Variants in DST observed in about 807,000 individuals in gnomAD.
DST encodes the protein bullous pemphigoid antigen.
DST carries 253 observed loss-of-function variants against 875.2 expected under a neutral mutation model. The observed-to-expected ratio is 0.29, with a 90% CI of 0.26 to 0.32. The LOEUF (loss-of-function observed/expected upper bound fraction) is 0.32, where lower values mean the gene tolerates loss of function less well. Ranked by LOEUF, DST falls within the 10% of genes least tolerant of loss-of-function variation. The pLI is 1.00. For synonymous variants in DST, 3,124 were observed against 3,197.1 expected, an observed-to-expected ratio of 0.98 and a Z score of 0.77; for missense variants, 8,287 against 9,111.6, an observed-to-expected ratio of 0.91 and a Z score of 3.68.
chr6:56,802,463 A>AG (rs1250844184), intron 4 of DST, among the ~76,000 whole-genome samples: 1 of 152,182 alleles, frequency 6.6e-6, no homozygotes, highest in Non-Finnish European at 1.5e-5. Flanking sequence ...TACTAGTTTT[A>AG]TACATGTATA....
chr6:56,780,106 T>C (rs1348833832), intron 4 of DST, among the ~76,000 whole-genome samples: 1 of 151,986 alleles, frequency 6.6e-6, no homozygotes, highest in Non-Finnish European at 1.5e-5. Context: ...GTGCCACATA[T>C]TCTGAATCCA....
rs2098852752 is a variant in DST, at chr6:56,639,030, T to A, written c.2964+229A>T. 8.6e-6 allele frequency: 5 copies of A among 582,498 alleles called. No homozygotes were observed. The Admixed American group carries it at 1.5e-4, about 17-fold the overall frequency. 36.1% of individuals were successfully genotyped at this position (582,498 alleles called of 1,614,324 possible). Reference sequence around the variant, plus strand: ...GGTACTTCATATTTACAGCAATACATCTTCTCAGCCACAGAGGCTGACAAG... The same window carrying A: ...GGTACTTCATATTTACAGCAATACAACTTCTCAGCCACAGAGGCTGACAAG... On this transcript the variant is annotated intron_variant, in intron 22 of 103. Coordinates refer to ENST00000680361, the MANE Select transcript of DST (RefSeq NM_001374736.1).
intron 69 of DST, among the ~76,000 whole-genome samples, chr6:56,522,625 G>A (rs1325683010): frequency 1.3e-5 from 2 of 152,068 alleles, no homozygotes; most frequent in Non-Finnish European, 2.9e-5. Flanking sequence ...ATAAACAGGT[G>A]ATATTTTTCT....
intron 4 of DST, among the ~76,000 whole-genome samples, chr6:56,770,548 T>A (rs1324601988): frequency 6.6e-6 from 1 of 152,172 alleles, no homozygotes; most frequent in Non-Finnish European, 1.5e-5. Flanking sequence ...GGGCTCAGGT[T>A]CACTACTGGA....
At chr6:56,526,273 A>G (rs1393047716) in intron 69 of DST, 88 bp downstream of exon 69, 4 of 1,293,926 alleles carry the variant, frequency 3.1e-6, no homozygotes, top group Non-Finnish European at 4.3e-6. Context: ...GAATGGAAAC[A>G]GTATTAACAG....
chr6:56,735,075 TTA>T, intron 5 of DST, 151 bp downstream of exon 5: 1 of 638,792 alleles, frequency 1.6e-6, no homozygotes, highest in Non-Finnish European at 2.8e-6. Context: ...CACCAAATAA[TTA>T]TAGATGCCTA....
intron 10 of DST, among the ~76,000 whole-genome samples, chr6:56,668,470 G>A (rs967994312): frequency 8.5e-5 from 13 of 152,098 alleles, no homozygotes; most frequent in African/African-American, 1.4e-4. Context: ...AGCCAAGCAC[G>A]GTGGCTCATG....
In DST at chr6:56,508,615, T is replaced by A; in HGVS notation, c.19153A>T (p.Ile6385Phe). The A allele has an allele frequency of 6.2e-7, 1 of 1,613,898 alleles. No individual in the cohort carries two copies. Among genetic ancestry groups the A allele is most frequent in the South Asian group, 1.1e-5 (1 of 91,076 alleles). Reference protein sequence around the residue: ...WCDHMSLIVTIKDTQDFIRDL... With the variant: ...WCDHMSLIVTFKDTQDFIRDL... The stretch of plus-strand genomic sequence containing the variant: ...CGGATGAAATCTTGAGTATCTTTAA[T>A]GGTAACTATCAATGACATGTGATCA... Residue 6385 changes from isoleucine (I) to phenylalanine (F), a missense_variant, in exon 75 of 104, where the codon ATT (isoleucine) becomes TTT (phenylalanine). Around this residue, in one of 10 missense-constraint regions of DST, gnomAD observed 1,292 missense variants for 1,552.7 expected, o/e 0.83. Transcript: ENST00000680361.
chr6:56,626,498 T>TA (rs145946307), intron 34 of DST, among the ~76,000 whole-genome samples: 3,346 of 152,266 alleles, frequency 0.022, 104 homozygotes, highest in African/African-American at 0.076. Flanking sequence ...CTGTACCATA[T>TA]GCCTAAGTGT....
chr6:56,667,245 A>C (rs1458979307), intron 10 of DST, among the ~76,000 whole-genome samples: 4 of 152,222 alleles, frequency 2.6e-5, no homozygotes. Flanking sequence ...ATTATTGTCC[A>C]ATACCAAAAA....
chr6:56,635,001 T>G, intron 24 of DST, 48 bp from the exon 25 acceptor site: 1 of 1,458,288 alleles, frequency 6.9e-7, no homozygotes, highest in Non-Finnish European at 9.6e-7. Context: ...ACTTGTACTC[T>G]CCATGCCTTC....
At chr6:56,781,292 A>T (rs1179761857) in intron 4 of DST, among the ~76,000 whole-genome samples, 1 of 152,116 alleles carries the variant, frequency 6.6e-6, no homozygotes, top group Non-Finnish European at 1.5e-5. Flanking sequence ...GATGGCATTG[A>T]ATCTATAAAC....
chr6:56,880,203 AAT>A (rs1408720139), intron 3 of DST, among the ~76,000 whole-genome samples: 3 of 152,208 alleles, frequency 2.0e-5, no homozygotes, highest in Admixed American at 6.5e-5. Flanking sequence ...TCTTCAGAAA[AAT>A]AGTCTAGAGA....
chr6:56,467,905 T>C lies in DST; in HGVS notation c.22569+1077A>G, dbSNP rs191358772. On this transcript the variant is annotated intron_variant, in intron 98 of 103. Transcript: ENST00000680361. The stretch of plus-strand genomic sequence containing the variant: ...TCTCATTCTCTCTGCAAATAAAAGA[T>C]GCTCTCCCATTTGCTGACTCCGAAA... Among the ~76,000 whole-genome samples the C allele has an allele frequency of 4.6e-3, 695 of 152,272 alleles. 4 individuals are homozygous for C. Among genetic ancestry groups the C allele is most frequent in the African/African-American group, 0.016 (668 of 41,576 alleles).
At chr6:56,880,461 G>A (rs1781564385) in intron 3 of DST, among the ~76,000 whole-genome samples, 2 of 152,174 alleles carry the variant, frequency 1.3e-5, no homozygotes, top group African/African-American at 4.8e-5. Flanking sequence ...GCCAAGGTGG[G>A]CAGATCGCTT....
chr6:56,667,323 C>A (rs570424438), intron 10 of DST, among the ~76,000 whole-genome samples: 1 of 152,270 alleles, frequency 6.6e-6, no homozygotes, highest in East Asian at 1.9e-4. Context: ...TAAATCAAGG[C>A]ATTCAACAGT....
chr6:56,508,764 CA>C lies in DST; in HGVS notation c.19013-10del, dbSNP rs1303408515. The C allele has an allele frequency of 2.5e-6, 4 of 1,600,474 alleles. No homozygotes were observed. In the South Asian group the frequency reaches 4.5e-5, roughly 18 times the overall value. ...AAGCTTATCCTGAACAGCTATGAAG[CA>C]AAACAATATCCACAAGGCGACTGGT... On this transcript the variant is annotated splice_polypyrimidine_tract_variant and intron_variant, in intron 74 of 103. Transcript: ENST00000680361.
At chr6:56,625,605 C>T (rs574076995) in intron 34 of DST, among the ~76,000 whole-genome samples, 6 of 151,852 alleles carry the variant, frequency 4.0e-5, no homozygotes, top group African/African-American at 9.7e-5. Context: ...CTGTGCTGCC[C>T]GTCACACAAA....
In DST at chr6:56,530,253, C is replaced by A. The variant is rs6939305; in HGVS notation, c.17109-120G>T. ...TTTCTGTAGAAACTATCTAAGGTTA[C>A]AATTTAAATCTCTTAACATTTAAAG... On this transcript the variant is annotated intron_variant, in intron 64 of 103. Coordinates refer to ENST00000680361, the MANE Select transcript of DST (RefSeq NM_001374736.1). The A allele has an allele frequency of 0.74, 522,118 of 702,722 alleles. 194,991 individuals carry two copies. The highest frequency in any genetic ancestry group is 0.76 in the Non-Finnish European group (369,344 of 485,270). 43.5% of individuals were successfully genotyped at this position (702,722 alleles called of 1,614,324 possible). A position where few individuals can be genotyped will look rare whatever the true frequency, so the allele number is the denominator to read the frequency against.
Sources: allele counts gnomAD v4.1 joint callset (sites outside exome capture counted in the v4.1 genomes callset), GRCh38; gene constraint gnomAD v4.1.1; regional missense constraint gnomAD v4.1.1; transcripts MANE v1.5; gene names NCBI Gene and HGNC (gene_info 2026-07-23, HGNC 2026-07-21).